The following LRP1B variants were observed in gnomAD, a reference collection of about 807,000 sequenced individuals.
The protein encoded by LRP1B is LDL receptor related protein 1B.
A neutral mutation model predicts 556.6 loss-of-function variants in LRP1B; 217 were observed. The ratio of observed to expected loss-of-function variants is 0.39; its 90% confidence interval spans 0.35 to 0.44. The LOEUF is 0.44. Among genes scored for constraint, LRP1B ranks in the 20% least tolerant of loss-of-function variants. The pLI, the probability that LRP1B is intolerant of heterozygous loss-of-function variation, is 1.00. For synonymous variants in LRP1B, 2,047 were observed against 1,865.8 expected (o/e 1.10, Z -2.50); for missense variants, 5,053 against 5,620.8 (o/e 0.90, Z 3.23).
chr2:142,021,117 C>T (rs1328298518), intron 1 of LRP1B, among the ~76,000 whole-genome samples: 1 of 152,062 alleles, frequency 6.6e-6, no homozygotes, highest in Non-Finnish European at 1.5e-5. Context: ...ATATGTTCTC[C>T]CTTACAAACC....
At chr2:141,409,242 C>A (rs563534749) in intron 3 of LRP1B, among the ~76,000 whole-genome samples, 10 of 152,226 alleles carry the variant, frequency 6.6e-5, no homozygotes, top group Admixed American at 3.3e-4. Flanking sequence ...TATGTTTATT[C>A]GGTGACAGTA....
chr2:140,879,360 T>G (rs566604303), intron 25 of LRP1B, among the ~76,000 whole-genome samples: 1 of 152,308 alleles, frequency 6.6e-6, no homozygotes, highest in Non-Finnish European at 1.5e-5. Context: ...TGGGACACTT[T>G]GATTCACTAA....
At chr2:141,153,294 T>TAATA (rs1701972067) in intron 7 of LRP1B, among the ~76,000 whole-genome samples, 2 of 126,270 alleles carry the variant, frequency 1.6e-5, no homozygotes, top group African/African-American at 5.8e-5. Flanking sequence ...TATATATTTA[T>TAATA]ATATAATATA....
Position 140,428,665 on chromosome 2 carries a change from C to T in LRP1B, c.10414+13839G>A, listed in dbSNP as rs114478208. Among the ~76,000 whole-genome samples, 407 of 152,204 alleles carry T rather than the reference C, an allele frequency of 2.7e-3. 2 individuals carry two copies. The highest frequency in any genetic ancestry group is 9.3e-3 in the African/African-American group (385 of 41,522). On this transcript the variant is annotated intron_variant, in intron 66 of 90. Transcript: ENST00000389484. ...CTAGACCATCACGGACGTCAAGCTT[C>T]GAGTAACTGTCACAGTGGAGGGTAA...
At chr2:140,844,131 G>A (rs376998275) in intron 29 of LRP1B, among the ~76,000 whole-genome samples, 13 of 151,368 alleles carry the variant, frequency 8.6e-5, no homozygotes, top group African/African-American at 1.2e-4. Context: ...GCAAGATCTC[G>A]CCTCACCACA....
At chr2:140,670,777 A>G (rs1685452478) in intron 41 of LRP1B, among the ~76,000 whole-genome samples, 1 of 152,250 alleles carries the variant, frequency 6.6e-6, no homozygotes, top group Non-Finnish European at 1.5e-5. Flanking sequence ...ACTTTTGTGC[A>G]GAATATGTGT....
At chr2:142,044,986 T>C (rs1404276379) in intron 1 of LRP1B, among the ~76,000 whole-genome samples, 1 of 151,808 alleles carries the variant, frequency 6.6e-6, no homozygotes, top group Admixed American at 6.6e-5. Context: ...ATATGCATTG[T>C]CATATAAAAA....
At chr2:140,950,166 G>A (rs1573913235) in intron 20 of LRP1B, 69 bp downstream of exon 20, 1 of 1,149,060 alleles carries the variant, frequency 8.7e-7, no homozygotes, top group Non-Finnish European at 1.2e-6. Context: ...TATTCTCTCT[G>A]TAATACCCTA....
intron 7 of LRP1B, among the ~76,000 whole-genome samples, chr2:141,072,695 C>A (rs1236265110): frequency 1.3e-5 from 2 of 152,120 alleles, no homozygotes; most frequent in Middle Eastern, 6.8e-3. Context: ...TTTTCTTTCT[C>A]ATTCCTTCTC....
At chr2:141,614,510 TAAG>T in intron 2 of LRP1B, among the ~76,000 whole-genome samples, 1 of 152,172 alleles carries the variant, frequency 6.6e-6, no homozygotes, top group East Asian at 1.9e-4. Context: ...GTAATCAAGT[TAAG>T]AATGAGGTCA....
intron 83 of LRP1B, among the ~76,000 whole-genome samples, chr2:140,314,050 T>G (rs904259589): frequency 6.6e-6 from 1 of 151,934 alleles, no homozygotes; most frequent in Non-Finnish European, 1.5e-5. Context: ...TAGCACTATA[T>G]TAAATACTTC....
At chr2:141,537,431 C>T (rs1271372753) in intron 2 of LRP1B, among the ~76,000 whole-genome samples, 1 of 152,022 alleles carries the variant, frequency 6.6e-6, no homozygotes, top group Admixed American at 6.6e-5. Flanking sequence ...TGATCCTCTC[C>T]ATGTGGACAG....
At chr2:140,576,897 C>T (rs936749416) in intron 43 of LRP1B, among the ~76,000 whole-genome samples, 27 of 152,014 alleles carry the variant, frequency 1.8e-4, no homozygotes, top group African/African-American at 5.6e-4. Context: ...TGTTTGTTTG[C>T]TTTTTCTAGT....
At chr2:141,577,702 C>G (rs1327735747) in intron 2 of LRP1B, among the ~76,000 whole-genome samples, 2 of 152,154 alleles carry the variant, frequency 1.3e-5, no homozygotes, top group African/African-American at 4.8e-5. Flanking sequence ...TCTCGCAGAT[C>G]ATAGGGGCAC....
intron 1 of LRP1B, among the ~76,000 whole-genome samples, chr2:142,054,055 G>C (rs992482395): frequency 1.3e-5 from 2 of 152,036 alleles, no homozygotes; most frequent in Non-Finnish European, 2.9e-5. Context: ...TGGAGCACTA[G>C]GTACTCTCAA....
Position 140,274,588 on chromosome 2 carries a change from G to A in LRP1B, c.12978C>T (p.His4326=), listed in dbSNP as rs142338312. The A allele has an allele frequency of 5.0e-6, 8 of 1,609,628 alleles. No individual in the cohort carries two copies. Among genetic ancestry groups the A allele is most frequent in the African/African-American group, 2.7e-5 (2 of 74,690 alleles). The change falls in exon 85 of 91, where the codon CAC becomes CAT. Residue 4326 remains histidine, a synonymous_variant. Coordinates refer to ENST00000389484, the MANE Select transcript of LRP1B (RefSeq NM_018557.3). ...TGDRCQYYVC[H]HYCVNSESCT... ...ATGATTCAGAATTCACACAATAGTG[G>A]TGGCACACGTCTAGGAAAAAAAGGC...
chr2:141,175,452 G>T (rs1157021762), intron 7 of LRP1B, among the ~76,000 whole-genome samples: 1 of 152,120 alleles, frequency 6.6e-6, no homozygotes, highest in Admixed American at 6.6e-5. Context: ...GCTAAAAGGG[G>T]CAAAGGTAAA....
At chr2:141,702,184 T>C (rs915765352) in intron 2 of LRP1B, among the ~76,000 whole-genome samples, 2 of 151,854 alleles carry the variant, frequency 1.3e-5, no homozygotes, top group African/African-American at 4.8e-5. Context: ...GGAATGACCA[T>C]GGTTAGATCA....
At chr2:142,119,959 G>T (rs936904521) in intron 1 of LRP1B, among the ~76,000 whole-genome samples, 1 of 152,134 alleles carries the variant, frequency 6.6e-6, no homozygotes, top group Non-Finnish European at 1.5e-5. Context: ...TAGCATGTCA[G>T]GCACTACAAT....
Sources: allele counts gnomAD v4.1 joint callset (sites outside exome capture counted in the v4.1 genomes callset), GRCh38; gene constraint gnomAD v4.1.1; transcripts MANE v1.5; gene names NCBI Gene and HGNC (gene_info 2026-07-23, HGNC 2026-07-21).